Variants in STAU2 observed in about 807,000 individuals in gnomAD.
The protein encoded by STAU2 is double-stranded RNA-binding protein Staufen homolog 2.
A neutral mutation model predicts 65.9 loss-of-function variants in STAU2; 20 were observed. The ratio of observed to expected loss-of-function variants is 0.30; its 90% CI spans 0.21 to 0.44. The LOEUF (loss-of-function observed/expected upper bound fraction) is 0.44. Ranked by LOEUF, STAU2 falls within the 20% of genes least tolerant of loss-of-function variation. The pLI is 1.00. For missense variants in STAU2, 558 were observed against 683.9 expected (o/e 0.82, Z 2.05); for synonymous variants, 232 against 233.9 (o/e 0.99, Z 0.07).
chr8:73,523,218 A>AG (rs1271775216), intron 13 of STAU2, among the ~76,000 whole-genome samples: 1 of 148,956 alleles, frequency 6.7e-6, no homozygotes, highest in African/African-American at 2.5e-5. Flanking sequence ...AAAAAAAAAA[A>AG]AGAAAAGTCT....
At chr8:73,567,691 G>C (rs1304899614) in intron 12 of STAU2, among the ~76,000 whole-genome samples, 1 of 151,764 alleles carries the variant, frequency 6.6e-6, no homozygotes, top group Admixed American at 6.6e-5. Context: ...GGAATTATAG[G>C]CATGTGCCAC....
chr8:73,543,957 T>C (rs1009666989), intron 13 of STAU2, among the ~76,000 whole-genome samples: 1 of 152,226 alleles, frequency 6.6e-6, no homozygotes, highest in African/African-American at 2.4e-5. Context: ...TCCATGTGAA[T>C]GTCCCACAAG....
intron 12 of STAU2, among the ~76,000 whole-genome samples, chr8:73,552,759 T>C (rs1807429309): frequency 6.6e-6 from 1 of 152,160 alleles, no homozygotes; most frequent in Non-Finnish European, 1.5e-5. Flanking sequence ...TCCAAATTTC[T>C]TTGGAGGTAC....
chr8:73,593,851 TAATA>T (rs1409771287), intron 11 of STAU2, among the ~76,000 whole-genome samples: 1 of 133,486 alleles, frequency 7.5e-6, no homozygotes, highest in Non-Finnish European at 1.6e-5. Context: ...GCCAATTCCT[TAATA>T]TATATACACA....
chr8:73,449,557 C>T (rs1432674474), intron 13 of STAU2, among the ~76,000 whole-genome samples: 1 of 152,190 alleles, frequency 6.6e-6, no homozygotes, highest in Non-Finnish European at 1.5e-5. Context: ...CGTAACAAGG[C>T]TTTTGTGTCA....
At chr8:73,451,256 G>T (rs999395425) in intron 13 of STAU2, among the ~76,000 whole-genome samples, 1 of 152,094 alleles carries the variant, frequency 6.6e-6, no homozygotes, top group African/African-American at 2.4e-5. Context: ...TAATAGGGGT[G>T]TCTATAAAGA....
At chr8:73,535,000 A>C (rs1367996444) in intron 13 of STAU2, among the ~76,000 whole-genome samples, 1 of 152,252 alleles carries the variant, frequency 6.6e-6, no homozygotes, top group African/African-American at 2.4e-5. Flanking sequence ...TTACATGCTT[A>C]TATTTGATAA....
chr8:73,671,206 G>T (rs369490255), intron 6 of STAU2, among the ~76,000 whole-genome samples: 2 of 152,118 alleles, frequency 1.3e-5, no homozygotes, highest in East Asian at 3.9e-4. Context: ...TGAGAGAGGC[G>T]GATAACTTGA....
intron 13 of STAU2, among the ~76,000 whole-genome samples, chr8:73,502,554 C>T: frequency 6.6e-6 from 1 of 152,048 alleles, no homozygotes; most frequent in East Asian, 1.9e-4. Flanking sequence ...AGTGTCTGGG[C>T]CCATGCTAGC....
chr8:73,454,879 T>C (rs1818978855), intron 13 of STAU2, among the ~76,000 whole-genome samples: 1 of 152,138 alleles, frequency 6.6e-6, no homozygotes. Context: ...AAGACAATGG[T>C]GCCCAGTGAG....
chr8:73,521,659 A>G (rs1823047613), intron 13 of STAU2, among the ~76,000 whole-genome samples: 1 of 152,210 alleles, frequency 6.6e-6, no homozygotes, highest in Non-Finnish European at 1.5e-5. Flanking sequence ...TATGCATACC[A>G]TACTCTCTTG....
chr8:73,503,360 T>G (rs1388922611), intron 13 of STAU2, among the ~76,000 whole-genome samples: 2 of 152,160 alleles, frequency 1.3e-5, no homozygotes, highest in Non-Finnish European at 2.9e-5. Flanking sequence ...ATAGCAGGGC[T>G]CATTTCCTTG....
At position 73,709,048 on chromosome 8, in the gene STAU2, C is replaced by T; in HGVS notation, c.98G>A (p.Gly33Glu). 6.5e-7 allele frequency: 1 copy of T among 1,528,714 alleles called. No homozygotes were observed. Among genetic ancestry groups the T allele is most frequent in the Non-Finnish European group, 8.7e-7 (1 of 1,143,066 alleles). The allele number at this position is 1,528,714 out of a possible 1,614,324, so 94.7% of individuals were successfully genotyped here. The change falls in exon 4 of 15, where the codon GGG becomes GAG. Residue 33 changes from glycine to glutamate, a missense_variant. By Grantham distance (98) the Gly-to-Glu change is moderately conservative. Around this residue, in one of 3 missense-constraint regions of STAU2, gnomAD observed 112 missense variants for 114.2 expected, o/e 0.98. Transcript: ENST00000524300. ...QPQYKLLNER[G>E]PAHSKMFSVQ... ...TAACCTTACCTTTGAATGAGCAGGC[C>T]CTCTTTCATTCAGAAGTTTATACTG...
intron 6 of STAU2, among the ~76,000 whole-genome samples, chr8:73,667,040 C>A (rs1261319691): frequency 6.6e-6 from 1 of 152,124 alleles, no homozygotes. Context: ...TTTCCAAAAA[C>A]CTGCTCCAAC....
At chr8:73,645,984 G>C (rs1815345013) in intron 6 of STAU2, among the ~76,000 whole-genome samples, 2 of 152,136 alleles carry the variant, frequency 1.3e-5, no homozygotes, top group African/African-American at 4.8e-5. Context: ...TTGAATATGA[G>C]ATTTGTGTGG....
At chr8:73,741,813 C>T (rs1002106500) in intron 1 of STAU2, among the ~76,000 whole-genome samples, 1 of 151,942 alleles carries the variant, frequency 6.6e-6, no homozygotes, top group African/African-American at 2.4e-5. Context: ...ACGCCCGGCC[C>T]GAAACTTCTA....
At chr8:73,459,020 A>G (rs1326077564) in intron 13 of STAU2, among the ~76,000 whole-genome samples, 1 of 152,242 alleles carries the variant, frequency 6.6e-6, no homozygotes, top group Non-Finnish European at 1.5e-5. Flanking sequence ...AAATGATTTG[A>G]CAAAATTATT....
At position 73,516,865 on chromosome 8, in the gene STAU2, T is replaced by C. The variant is rs1334078020; in HGVS notation, c.1530+35147A>G. The stretch of plus-strand genomic sequence containing the variant: ...CATTGATCATCACTTTAAAAAAGTC[T>C]ATATAGGCAACAGTTTTCCACTATA... On this transcript the variant is annotated intron_variant, in intron 13 of 14. Coordinates refer to ENST00000524300, the MANE Select transcript of STAU2 (RefSeq NM_001164380.2). Among the ~76,000 whole-genome samples the C allele has an allele frequency of 2.0e-5, 3 of 152,190 alleles. No homozygotes were observed. In the East Asian group the frequency reaches 5.8e-4, roughly 29 times the overall value.
At chr8:73,488,559 T>A (rs1309031595) in intron 13 of STAU2, among the ~76,000 whole-genome samples, 1 of 152,008 alleles carries the variant, frequency 6.6e-6, no homozygotes, top group East Asian at 1.9e-4. Context: ...CAATTAAAGA[T>A]CAGTCTTTTA....
Sources: allele counts gnomAD v4.1 joint callset (sites outside exome capture counted in the v4.1 genomes callset), GRCh38; gene constraint gnomAD v4.1.1; regional missense constraint gnomAD v4.1.1; transcripts MANE v1.5; gene names NCBI Gene and HGNC (gene_info 2026-07-23, HGNC 2026-07-21).